The following DCUN1D4 variants were observed in gnomAD, a reference collection of about 807,000 sequenced individuals.
DCUN1D4 encodes DCN1-like protein 4.
DCUN1D4 carries 22 observed loss-of-function variants against 47.9 expected under a neutral mutation model. The observed-to-expected ratio is 0.46, with a 90% CI of 0.33 to 0.66. The LOEUF is 0.66. Ranked by LOEUF, DCUN1D4 falls within the 30% of genes least tolerant of loss-of-function variation. The pLI is 0.02. For missense variants in DCUN1D4, 301 were observed against 340.8 expected, an observed-to-expected ratio of 0.88 and a Z score of 0.92; for synonymous variants, 121 against 112.2, an observed-to-expected ratio of 1.08 and a Z score of -0.50.
intron 6 of DCUN1D4, among the ~76,000 whole-genome samples, chr4:51,889,095 T>A (rs985746945): frequency 6.6e-6 from 1 of 152,012 alleles, no homozygotes. Context: ...GGCAACAGAG[T>A]GAGACTCTGT....
At chr4:51,906,672 A>G (rs992460791) in intron 8 of DCUN1D4, among the ~76,000 whole-genome samples, 11 of 152,218 alleles carry the variant, frequency 7.2e-5, no homozygotes, top group Admixed American at 6.5e-4. Flanking sequence ...TGATGGAGTC[A>G]TCTAAGCCCG....
intron 3 of DCUN1D4, among the ~76,000 whole-genome samples, chr4:51,864,477 T>C (rs1019433953): frequency 1.3e-5 from 2 of 152,248 alleles, no homozygotes; most frequent in African/African-American, 4.8e-5. Context: ...TAGTCTGGGC[T>C]GCTGTAACAA....
chr4:51,871,399 G>A (rs1045175110), intron 3 of DCUN1D4, among the ~76,000 whole-genome samples: 1 of 152,240 alleles, frequency 6.6e-6, no homozygotes, highest in Non-Finnish European at 1.5e-5. Context: ...ACCAAACGTT[G>A]TACAGTGTGT....
chr4:51,886,905 G>A (rs1729570031), intron 6 of DCUN1D4: 1 of 444,924 alleles, frequency 2.2e-6, no homozygotes, highest in African/African-American at 2.0e-5. Flanking sequence ...AAAATGGTGT[G>A]GCCACATGTG....
At chr4:51,860,649 CGAGA>C (rs1560463499) in intron 1 of DCUN1D4, 5 of 454,858 alleles carry the variant, frequency 1.1e-5, no homozygotes, top group Admixed American at 4.7e-5. Context: ...AAAGCAGGAG[CGAGA>C]GAGAGAAAGG....
intron 1 of DCUN1D4, among the ~76,000 whole-genome samples, chr4:51,853,035 G>A (rs1723597450): frequency 6.6e-6 from 1 of 152,202 alleles, no homozygotes; most frequent in Non-Finnish European, 1.5e-5. Flanking sequence ...GGTAGGTGGG[G>A]TGAGGAGAAT....
intron 5 of DCUN1D4, among the ~76,000 whole-genome samples, chr4:51,882,639 C>T (rs1006008884): frequency 6.6e-6 from 1 of 152,084 alleles, no homozygotes; most frequent in East Asian, 1.9e-4. Flanking sequence ...TGGTGGCGGG[C>T]ACCTGTAGTC....
At chr4:51,902,955 G>T (rs1420547045) in intron 8 of DCUN1D4, among the ~76,000 whole-genome samples, 3 of 152,018 alleles carry the variant, frequency 2.0e-5, no homozygotes, top group African/African-American at 7.2e-5. Flanking sequence ...TATAATGCAA[G>T]AATCTTTACA....
At chr4:51,844,252 T>A (rs1722120501) in intron 1 of DCUN1D4, 1 of 860,594 alleles carries the variant, frequency 1.2e-6, no homozygotes, top group African/African-American at 1.9e-5. Context: ...AGGTACTTCC[T>A]CTCCCTGTCG....
intron 3 of DCUN1D4, among the ~76,000 whole-genome samples, chr4:51,873,846 C>T (rs1343125060): frequency 2.0e-5 from 3 of 152,148 alleles, no homozygotes; most frequent in Non-Finnish European, 2.9e-5. Flanking sequence ...CTTAAGACTA[C>T]TGGGACTGAT....
chr4:51,848,119 A>C, intron 1 of DCUN1D4: 1 of 1,060,076 alleles, frequency 9.4e-7, no homozygotes, highest in Non-Finnish European at 1.3e-6. Context: ...TCTTCAAGGA[A>C]CACAAGCTTT....
At chr4:51,861,160 A>T (rs1431969788) in intron 1 of DCUN1D4, among the ~76,000 whole-genome samples, 1 of 152,222 alleles carries the variant, frequency 6.6e-6, no homozygotes, top group African/African-American at 2.4e-5. Flanking sequence ...CACTTTACAG[A>T]TGAGAAAATT....
chr4:51,835,298 GT>G, the DCUN1D4 span, among the ~76,000 whole-genome samples: 1 of 152,204 alleles, frequency 6.6e-6, no homozygotes, highest in Non-Finnish European at 1.5e-5. Context: ...GTGCTTCAGT[GT>G]TTTCACCCAT....
chr4:51,905,028 T>A (rs867755236), intron 8 of DCUN1D4, among the ~76,000 whole-genome samples: 4 of 152,136 alleles, frequency 2.6e-5, no homozygotes, highest in Non-Finnish European at 4.4e-5. Flanking sequence ...CAGAAAATGA[T>A]AAAATAGCCC....
the DCUN1D4 span, among the ~76,000 whole-genome samples, chr4:51,835,992 A>T: frequency 1.5e-3 from 221 of 152,138 alleles, no homozygotes; most frequent in African/African-American, 4.8e-3. Flanking sequence ...ACAGCCTGAA[A>T]CTGTTCACTT....
At chr4:51,839,186 A>AGAAGGAAGGAAGGAAG (rs35432661), upstream of DCUN1D4, among the ~76,000 whole-genome samples, 45 of 141,648 alleles carry the variant, frequency 3.2e-4, 1 homozygote, top group African/African-American at 1.2e-3. Flanking sequence ...GGAAGAAAGG[A>AGAAGGAAGGAAGGAAG]GAAGGAAGGA....
intron 1 of DCUN1D4, among the ~76,000 whole-genome samples, chr4:51,856,727 C>T (rs1173055791): frequency 6.6e-6 from 1 of 152,210 alleles, no homozygotes; most frequent in Non-Finnish European, 1.5e-5. Flanking sequence ...CATTGAGTGC[C>T]TCACTTGCTC....
Position 51,843,182 on chromosome 4 carries a change from G to T in DCUN1D4, c.-61G>T, listed in dbSNP as rs947376098. The T allele has an allele frequency of 1.8e-5, 28 of 1,534,580 alleles. No homozygotes were observed. The highest frequency in any genetic ancestry group is 2.5e-5 in the Non-Finnish European group (28 of 1,141,370). On this transcript the variant is annotated 5_prime_UTR_variant, in exon 1 of 11. Transcript: ENST00000334635. Reference sequence around the variant, plus strand: ...TCGAGCCGAGGTGCAGTGAGCTGGTGGGGGGACCGCGAGGCGAGCGCGGGA... The same window carrying T: ...TCGAGCCGAGGTGCAGTGAGCTGGTTGGGGGACCGCGAGGCGAGCGCGGGA...
chr4:51,845,999 TAA>T (rs921951533), intron 1 of DCUN1D4, among the ~76,000 whole-genome samples: 6 of 152,182 alleles, frequency 3.9e-5, no homozygotes, highest in African/African-American at 1.4e-4. Flanking sequence ...TTGCAGAGGG[TAA>T]AGTGATGAGG....
Sources: gnomAD v4.1 joint callset for allele counts (sites outside exome capture counted in the v4.1 genomes callset) on GRCh38, gnomAD v4.1.1 for gene constraint, MANE v1.5 for transcripts, NCBI Gene and HGNC (gene_info 2026-07-23, HGNC 2026-07-21) for gene names.